COL28A1: variants seen among roughly 807,000 people sequenced by gnomAD.
The protein encoded by COL28A1 is collagen alpha-1(XXVIII) chain.
A neutral mutation model predicts 150.2 loss-of-function variants in COL28A1; 161 were observed. The observed-to-expected ratio is 1.07, with a 90% CI of 0.94 to 1.22. The LOEUF is 1.22. Ranked by LOEUF, COL28A1 falls within the 50% of genes most tolerant of loss-of-function variation. The probability of loss-of-function intolerance (pLI) is 0.00; values close to 1 mark genes in which losing one functional copy is unlikely to be tolerated. For synonymous variants in COL28A1, 552 were observed against 469.7 expected (o/e 1.18, Z -2.26); for missense variants, 1,617 against 1,388.3 (o/e 1.16, Z -2.62).
chr7:7,367,169 T>G (rs993377606), intron 33 of COL28A1, among the ~76,000 whole-genome samples: 4 of 152,216 alleles, frequency 2.6e-5, no homozygotes, highest in Non-Finnish European at 5.9e-5. Context: ...GCTGTGCAGG[T>G]TTGTAGCCTA....
chr7:7,357,565 A>C (rs1217358751), downstream of COL28A1: 1 of 151,814 alleles, frequency 6.6e-6, no homozygotes, highest in South Asian at 2.1e-4. Flanking sequence ...AGGTTGAGGC[A>C]GGAGAATCGC....
chr7:7,474,211 G>C (rs113677924), intron 15 of COL28A1, among the ~76,000 whole-genome samples: 15,235 of 151,776 alleles, frequency 0.1, 881 homozygotes, highest in Middle Eastern at 0.16. Context: ...AACATTGTAT[G>C]TTCTCACTCA....
intron 25 of COL28A1, among the ~76,000 whole-genome samples, chr7:7,427,988 A>C (rs975914755): frequency 6.6e-6 from 1 of 152,186 alleles, no homozygotes; most frequent in African/African-American, 2.4e-5. Context: ...CTCATATACA[A>C]AACAAATGTA....
chr7:7,459,381 TCTG>T (rs1787425184), intron 15 of COL28A1, among the ~76,000 whole-genome samples: 1 of 152,238 alleles, frequency 6.6e-6, no homozygotes, highest in African/African-American at 2.4e-5. Context: ...ACTATTTATT[TCTG>T]CTATTTAAAT....
chr7:7,407,215 A>G (rs73347196), intron 27 of COL28A1, among the ~76,000 whole-genome samples: 7,651 of 152,154 alleles, frequency 0.05, 585 homozygotes, highest in African/African-American at 0.17. Flanking sequence ...ACGTTTAACT[A>G]ATTGAAGTTT....
chr7:7,449,254 T>G (rs949100910), intron 18 of COL28A1, among the ~76,000 whole-genome samples: 1 of 152,120 alleles, frequency 6.6e-6, no homozygotes, highest in Non-Finnish European at 1.5e-5. Context: ...GTTTGACATC[T>G]GAAAACTCTG....
intron 16 of COL28A1, among the ~76,000 whole-genome samples, chr7:7,455,656 C>G (rs1162729690): frequency 6.6e-6 from 1 of 152,170 alleles, no homozygotes; most frequent in Non-Finnish European, 1.5e-5. Context: ...GGGGATACCA[C>G]TCTACTCCAT....
At chr7:7,532,667 A>G in intron 2 of COL28A1, 85 bp downstream of exon 2, 1 of 1,512,540 alleles carries the variant, frequency 6.6e-7, no homozygotes, top group South Asian at 1.3e-5. Context: ...ATGGCTTGCT[A>G]TTTATATCAA....
the COL28A1 span, among the ~76,000 whole-genome samples, chr7:7,346,223 CA>C: frequency 6.6e-6 from 1 of 151,144 alleles, no homozygotes; most frequent in African/African-American, 2.5e-5. Flanking sequence ...TAGTTTTAAT[CA>C]TTTTTTTTTT....
At chr7:7,407,048 G>A (rs1367227588) in intron 27 of COL28A1, among the ~76,000 whole-genome samples, 1 of 151,866 alleles carries the variant, frequency 6.6e-6, no homozygotes, top group Non-Finnish European at 1.5e-5. Context: ...AAACTCAATG[G>A]ACTGGTTAAA....
At chr7:7,443,559 T>A in intron 20 of COL28A1, 26 bp downstream of exon 20, 1 of 1,613,578 alleles carries the variant, frequency 6.2e-7, no homozygotes, top group Non-Finnish European at 8.5e-7. Flanking sequence ...CACAGGCTGC[T>A]TCCACCAACA....
chr7:7,490,738 GC>G, intron 11 of COL28A1, 92 bp from the exon 12 acceptor site: 1 of 618,948 alleles, frequency 1.6e-6, no homozygotes, highest in South Asian at 2.1e-5. Flanking sequence ...TGCAATAGGG[GC>G]TTTCAGAGCA....
At chr7:7,348,798 A>C in the COL28A1 span, among the ~76,000 whole-genome samples, 1 of 152,116 alleles carries the variant, frequency 6.6e-6, no homozygotes, top group Non-Finnish European at 1.5e-5. Flanking sequence ...ATTTTTTAAG[A>C]GTGGCACAAT....
At chr7:7,385,932 C>T (rs1782155205) in intron 27 of COL28A1, among the ~76,000 whole-genome samples, 1 of 152,196 alleles carries the variant, frequency 6.6e-6, no homozygotes, top group Non-Finnish European at 1.5e-5. Flanking sequence ...CATGTCTGAT[C>T]TTGGCAGAGG....
chr7:7,375,578 A>T (rs1001529353), intron 30 of COL28A1, 81 bp from the exon 31 acceptor site: 3 of 915,330 alleles, frequency 3.3e-6, no homozygotes, highest in East Asian at 5.5e-5. Flanking sequence ...ATCTCATTAC[A>T]ATCAGCACTG....
At chr7:7,476,039 A>G (rs1313207723) in intron 14 of COL28A1, among the ~76,000 whole-genome samples, 3 of 152,212 alleles carry the variant, frequency 2.0e-5, no homozygotes, top group Non-Finnish European at 4.4e-5. Flanking sequence ...AGATAATTGA[A>G]TATCGATCAT....
intron 13 of COL28A1, among the ~76,000 whole-genome samples, chr7:7,488,304 A>T (rs554565827): frequency 3.3e-5 from 5 of 152,190 alleles, no homozygotes; most frequent in Admixed American, 6.5e-5. Context: ...TTTTTGAATT[A>T]GTATGTTCAG....
intron 15 of COL28A1, among the ~76,000 whole-genome samples, chr7:7,471,125 T>TAAAAAAAAAA (rs746981344): frequency 1.9e-4 from 17 of 88,508 alleles, no homozygotes; most frequent in African/African-American, 6.6e-4. Context: ...AAAAAATAAT[T>TAAAAAAAAAA]AAAAAAAAAA....
intron 20 of COL28A1, among the ~76,000 whole-genome samples, chr7:7,443,174 G>A (rs374678963): frequency 6.6e-6 from 1 of 152,046 alleles, no homozygotes; most frequent in African/African-American, 2.4e-5. Flanking sequence ...TTTCTACAGT[G>A]GTTAAAATAG....
Sources: gnomAD v4.1 joint callset for allele counts (sites outside exome capture counted in the v4.1 genomes callset) on GRCh38, gnomAD v4.1.1 for gene constraint, MANE v1.5 for transcripts, NCBI Gene and HGNC (gene_info 2026-07-23, HGNC 2026-07-21) for gene names.